The following CACNA2D3 variants were observed in gnomAD, a reference collection of about 807,000 sequenced individuals.
The protein encoded by CACNA2D3 is calcium voltage-gated channel auxiliary subunit alpha2delta 3.
CACNA2D3 carries 60 observed loss-of-function variants against 160.6 expected under a neutral mutation model. The observed-to-expected ratio is 0.37, with a 90% CI of 0.30 to 0.46. CACNA2D3 has a LOEUF of 0.46. CACNA2D3 is among the 20% of genes least tolerant of loss of function. The pLI is 1.00. For missense variants in CACNA2D3, 1,205 were observed against 1,365.0 expected (o/e 0.88, Z 1.85); for synonymous variants, 558 against 492.9 (o/e 1.13, Z -1.75).
At chr3:54,565,123 G>A (rs1421515832) in intron 6 of CACNA2D3, among the ~76,000 whole-genome samples, 2 of 152,114 alleles carry the variant, frequency 1.3e-5, no homozygotes, top group Admixed American at 6.6e-5. Flanking sequence ...TGAGTTGCTT[G>A]CCCACCACTG....
intron 34 of CACNA2D3, among the ~76,000 whole-genome samples, chr3:55,014,834 G>T (rs1703294015): frequency 6.6e-6 from 1 of 152,214 alleles, no homozygotes. Context: ...GCACATATAT[G>T]TGGTGTTTTC....
chr3:54,752,415 TC>T (rs1206801765), intron 11 of CACNA2D3, among the ~76,000 whole-genome samples, 183 bp from the exon 12 acceptor site: 6 of 152,182 alleles, frequency 3.9e-5, no homozygotes, highest in Non-Finnish European at 8.8e-5. Flanking sequence ...GTTTAAAAGA[TC>T]AAAGGCCCCA....
chr3:54,621,516 T>C (rs560113610), intron 9 of CACNA2D3, among the ~76,000 whole-genome samples: 1 of 152,342 alleles, frequency 6.6e-6, no homozygotes, highest in South Asian at 2.1e-4. Flanking sequence ...GAAGCAAAGA[T>C]AAAGAGCCAC....
chr3:54,159,064 G>T lies in CACNA2D3; in HGVS notation c.204+35470G>T, dbSNP rs114014469. 3.4e-3 allele frequency among the ~76,000 whole-genome samples: 519 copies of T among 152,226 alleles called. 4 individuals are homozygous for T. Among genetic ancestry groups the T allele is most frequent in the African/African-American group, 0.011 (473 of 41,522 alleles). On this transcript the variant is annotated intron_variant, in intron 2 of 37. Coordinates refer to ENST00000474759, the MANE Select transcript of CACNA2D3 (RefSeq NM_018398.3). ...TGCCAGAAGCTTTGCCTCCCCTCCA[G>T]TTTAAATCATCCTTTTGAATCAAAC...
At chr3:54,292,078 C>T (rs1703220924) in intron 2 of CACNA2D3, among the ~76,000 whole-genome samples, 1 of 152,060 alleles carries the variant, frequency 6.6e-6, no homozygotes. Context: ...AAAGAAAAAT[C>T]TTTTCAACAA....
chr3:54,332,720 T>C (rs1704292772), intron 3 of CACNA2D3, among the ~76,000 whole-genome samples: 1 of 152,186 alleles, frequency 6.6e-6, no homozygotes, highest in Admixed American at 6.5e-5. Flanking sequence ...TCTTTTCCTG[T>C]CCTGAGCTAC....
At chr3:54,380,274 G>C (rs1699078313) in intron 3 of CACNA2D3, among the ~76,000 whole-genome samples, 1 of 152,154 alleles carries the variant, frequency 6.6e-6, no homozygotes, top group Non-Finnish European at 1.5e-5. Context: ...ATCCGTGATG[G>C]ATTGAGTTTG....
chr3:54,749,701 T>G (rs1207622799), intron 11 of CACNA2D3, among the ~76,000 whole-genome samples: 1 of 152,234 alleles, frequency 6.6e-6, no homozygotes, highest in African/African-American at 2.4e-5. Context: ...CAGCATCCTT[T>G]GATTATGTTT....
In CACNA2D3 at chr3:54,684,726, T is replaced by G. The variant is rs114600192; in HGVS notation, c.1167+42485T>G. On this transcript the variant is annotated intron_variant, in intron 11 of 37. Transcript: ENST00000474759. ...AAGCCCAGGAGACAGCGTACAAAAT[T>G]AAAAACCATTATTAAACGTTTGTCA... 3.2e-3 allele frequency among the ~76,000 whole-genome samples: 465 copies of G among 145,660 alleles called. 3 individuals are homozygous for G. The highest frequency in any genetic ancestry group is 0.011 in the African/African-American group (448 of 40,236).
chr3:54,891,770 A>G (rs1700075130), intron 25 of CACNA2D3, among the ~76,000 whole-genome samples: 1 of 152,148 alleles, frequency 6.6e-6, no homozygotes, highest in Admixed American at 6.5e-5. Context: ...AGAGGGAGGA[A>G]ACACTCATCT....
At chr3:54,780,856 C>T (rs1314375596) in intron 13 of CACNA2D3, among the ~76,000 whole-genome samples, 1 of 152,132 alleles carries the variant, frequency 6.6e-6, no homozygotes, top group Non-Finnish European at 1.5e-5. Context: ...CAGCTGTTTG[C>T]CATCATAGCA....
chr3:54,512,351 G>A (rs1211815970), intron 5 of CACNA2D3, among the ~76,000 whole-genome samples: 1 of 152,218 alleles, frequency 6.6e-6, no homozygotes. Context: ...GCTTTGTGAA[G>A]ATAAAATGAA....
intron 13 of CACNA2D3, among the ~76,000 whole-genome samples, chr3:54,777,653 A>G (rs1439622320): frequency 6.6e-6 from 1 of 152,198 alleles, no homozygotes; most frequent in Non-Finnish European, 1.5e-5. Flanking sequence ...AGGCAGCCCA[A>G]GATGAAGCAA....
intron 11 of CACNA2D3, among the ~76,000 whole-genome samples, chr3:54,717,537 G>GT (rs1701073106): frequency 7.0e-6 from 1 of 143,834 alleles, no homozygotes; most frequent in African/African-American, 2.6e-5. Context: ...GTGTGTGTGT[G>GT]GTGTGCATGT....
At chr3:54,409,984 T>C (rs1233962768) in intron 4 of CACNA2D3, among the ~76,000 whole-genome samples, 2 of 152,206 alleles carry the variant, frequency 1.3e-5, no homozygotes, top group African/African-American at 4.8e-5. Context: ...TGAAGGTGGC[T>C]ATAGAAAACA....
chr3:54,959,157 A>G (rs1409697695), intron 27 of CACNA2D3, among the ~76,000 whole-genome samples: 1 of 152,200 alleles, frequency 6.6e-6, no homozygotes, highest in Non-Finnish European at 1.5e-5. Flanking sequence ...TTTTCAAATG[A>G]ACTGTCTGTA....
intron 31 of CACNA2D3, among the ~76,000 whole-genome samples, chr3:54,990,378 A>G (rs539362614): frequency 1.1e-4 from 16 of 152,252 alleles, no homozygotes; most frequent in African/African-American, 3.9e-4. Flanking sequence ...TAAAGATACA[A>G]AAATTAGCTG....
At chr3:54,766,500 T>G (rs1012027793) in intron 13 of CACNA2D3, among the ~76,000 whole-genome samples, 1 of 152,200 alleles carries the variant, frequency 6.6e-6, no homozygotes, top group Non-Finnish European at 1.5e-5. Flanking sequence ...AAAGGGACAC[T>G]CTTATTCATT....
chr3:54,952,132 C>A (rs779945549), intron 27 of CACNA2D3, among the ~76,000 whole-genome samples: 13 of 152,214 alleles, frequency 8.5e-5, no homozygotes, highest in Non-Finnish European at 7.3e-5. Flanking sequence ...ACATGTTAGC[C>A]ACTGGGCCTG....
Sources: gnomAD v4.1 joint callset for allele counts (sites outside exome capture counted in the v4.1 genomes callset) on GRCh38, gnomAD v4.1.1 for gene constraint, MANE v1.5 for transcripts, NCBI Gene and HGNC (gene_info 2026-07-23, HGNC 2026-07-21) for gene names.